PDE1C: variants seen among roughly 807,000 people sequenced by gnomAD.
The protein encoded by PDE1C is dual specificity calcium/calmodulin-dependent 3',5'-cyclic nucleotide phosphodiesterase 1C.
PDE1C carries 62 observed loss-of-function variants against 93.1 expected under a neutral mutation model. That is an observed-to-expected ratio of 0.67 (90% CI 0.54 to 0.82). PDE1C has a LOEUF of 0.82. Among genes scored for constraint, PDE1C ranks in the 40% least tolerant of loss-of-function variants. The pLI, the probability that PDE1C is intolerant of heterozygous loss-of-function variation, is 0.00. For synonymous variants in PDE1C, 325 were observed against 310.1 expected (o/e 1.05, Z -0.50); for missense variants, 742 against 884.6 (o/e 0.84, Z 2.04).
At chr7:32,074,138 T>C (rs1359277463), upstream of PDE1C, among the ~76,000 whole-genome samples, 2 of 152,118 alleles carry the variant, frequency 1.3e-5, no homozygotes, top group African/African-American at 2.4e-5. Context: ...CTCTGCACTG[T>C]CAGAATTAAG....
intron 1 of PDE1C, among the ~76,000 whole-genome samples, chr7:32,274,826 C>T (rs1312474743): frequency 6.6e-6 from 1 of 152,146 alleles, no homozygotes; most frequent in Non-Finnish European, 1.5e-5. Flanking sequence ...GCTCATCCTG[C>T]AACATAAATT....
At chr7:32,425,579 A>G (rs1449520664) in intron 1 of PDE1C, among the ~76,000 whole-genome samples, 2 of 152,230 alleles carry the variant, frequency 1.3e-5, no homozygotes, top group Non-Finnish European at 1.5e-5. Flanking sequence ...AATCTAATTC[A>G]ATGAAAATTG....
chr7:31,620,290 C>G, the PDE1C span, among the ~76,000 whole-genome samples: 161 of 151,780 alleles, frequency 1.1e-3, 1 homozygote, highest in African/African-American at 3.5e-3. Flanking sequence ...GATCTGAGAA[C>G]GGGCAGACTG....
intron 9 of PDE1C, among the ~76,000 whole-genome samples, chr7:31,842,538 T>C (rs1792051693): frequency 6.6e-6 from 1 of 152,096 alleles, no homozygotes; most frequent in Non-Finnish European, 1.5e-5. Flanking sequence ...TGCAAGGAAT[T>C]TATCCACTTC....
At chr7:32,167,960 T>C (rs1802408210) in intron 3 of PDE1C, among the ~76,000 whole-genome samples, 1 of 152,202 alleles carries the variant, frequency 6.6e-6, no homozygotes, top group African/African-American at 2.4e-5. Flanking sequence ...ATCTCACAGC[T>C]GATCATGCCA....
chr7:31,701,742 C>T, the PDE1C span, among the ~76,000 whole-genome samples: 2 of 152,318 alleles, frequency 1.3e-5, no homozygotes, highest in East Asian at 1.9e-4. Context: ...AGTCAGCAGC[C>T]GTCAACATTG....
intron 2 of PDE1C, among the ~76,000 whole-genome samples, chr7:31,885,990 T>C (rs1797821413): frequency 6.6e-6 from 1 of 152,196 alleles, no homozygotes; most frequent in African/African-American, 2.4e-5. Flanking sequence ...CCCAAGGTTA[T>C]TCCCTCTGAG....
At chr7:31,669,128 G>C in the PDE1C span, among the ~76,000 whole-genome samples, 2 of 152,156 alleles carry the variant, frequency 1.3e-5, no homozygotes, top group Non-Finnish European at 2.9e-5. Context: ...CATTTTAAGA[G>C]TAGTCTGGCT....
intron 7 of PDE1C, among the ~76,000 whole-genome samples, chr7:31,851,640 A>G (rs1583604798): frequency 1.3e-5 from 2 of 152,226 alleles, no homozygotes; most frequent in African/African-American, 4.8e-5. Flanking sequence ...TACTAGTTAA[A>G]TTCATGCCTA....
At chr7:31,779,388 A>G (rs1362543083) in intron 16 of PDE1C, among the ~76,000 whole-genome samples, 2 of 152,190 alleles carry the variant, frequency 1.3e-5, no homozygotes, top group Non-Finnish European at 2.9e-5. Flanking sequence ...TGCTTGGTGG[A>G]ATTTTTTAAA....
chr7:32,269,887 C>T (rs1201785511), intron 1 of PDE1C, among the ~76,000 whole-genome samples: 2 of 152,140 alleles, frequency 1.3e-5, no homozygotes, highest in East Asian at 3.8e-4. Flanking sequence ...AATCCTTCCA[C>T]CTCAACCTCC....
At chr7:31,974,222 T>C (rs1164033512) in intron 2 of PDE1C, among the ~76,000 whole-genome samples, 1 of 152,182 alleles carries the variant, frequency 6.6e-6, no homozygotes, top group Non-Finnish European at 1.5e-5. Context: ...ACCAACATCC[T>C]AAATGATTTT....
chr7:31,833,137 C>T (rs551737172), intron 11 of PDE1C, among the ~76,000 whole-genome samples: 153 of 152,290 alleles, frequency 1.0e-3, no homozygotes, highest in African/African-American at 3.6e-3. Context: ...GATGGTTTTA[C>T]AAGGGGAAAC....
chr7:32,012,691 T>C (rs1787308759), intron 2 of PDE1C, among the ~76,000 whole-genome samples: 1 of 152,202 alleles, frequency 6.6e-6, no homozygotes, highest in Admixed American at 6.5e-5. Flanking sequence ...CTGAATATAG[T>C]GATTGCTTTG....
intron 1 of PDE1C, among the ~76,000 whole-genome samples, chr7:32,228,373 G>A (rs986866653): frequency 6.6e-6 from 1 of 152,160 alleles, no homozygotes. Context: ...GTTGGACCTG[G>A]GACCTGCATA....
chr7:31,832,033 T>C (rs892730718), intron 11 of PDE1C, among the ~76,000 whole-genome samples: 1 of 151,966 alleles, frequency 6.6e-6, no homozygotes, highest in African/African-American at 2.4e-5. Context: ...ACTAGAACTA[T>C]CACATTAATG....
At chr7:31,713,344 G>A in the PDE1C span, among the ~76,000 whole-genome samples, 1 of 152,242 alleles carries the variant, frequency 6.6e-6, no homozygotes, top group Non-Finnish European at 1.5e-5. Flanking sequence ...CTCACATCCA[G>A]GTCACGCTGA....
chr7:31,745,442 G>T, the PDE1C span, among the ~76,000 whole-genome samples: 64 of 152,276 alleles, frequency 4.2e-4, no homozygotes, highest in African/African-American at 1.5e-3. Flanking sequence ...TCCAGGAAAT[G>T]ATAATATAGT....
chr7:31,770,444 A>T lies in PDE1C; in HGVS notation c.1960+5220T>A, dbSNP rs530014510. On this transcript the variant is annotated intron_variant, in intron 17 of 17. Transcript: ENST00000396191. ...TTTTCTTGGTTGTTTGCACGTTGTTATGTTTAAGAAACCACTGCCAAATCC... is the reference window on the plus strand; with the variant it reads ...TTTTCTTGGTTGTTTGCACGTTGTTTTGTTTAAGAAACCACTGCCAAATCC... Among the ~76,000 whole-genome samples the T allele has an allele frequency of 3.9e-5, 6 of 152,286 alleles. No individual in the cohort carries two copies. In the East Asian group the frequency reaches 1.2e-3, roughly 29 times the overall value.
Sources: gnomAD v4.1 joint callset for allele counts (sites outside exome capture counted in the v4.1 genomes callset) on GRCh38, gnomAD v4.1.1 for gene constraint, MANE v1.5 for transcripts, NCBI Gene and HGNC (gene_info 2026-07-23, HGNC 2026-07-21) for gene names.